Variants in ATL2 observed in about 807,000 individuals in gnomAD.
The protein encoded by ATL2 is atlastin GTPase 2.
Under a neutral mutation model 73.9 loss-of-function variants are expected in ATL2, and 31 were observed. That is an observed-to-expected ratio of 0.42 (90% confidence interval 0.32 to 0.57). The LOEUF (loss-of-function observed/expected upper bound fraction) is 0.57. Ranked by LOEUF, ATL2 falls within the 20% of genes least tolerant of loss-of-function variation. The pLI, the probability that ATL2 is intolerant of heterozygous loss-of-function variation, is 0.14. For missense variants in ATL2, 738 were observed against 702.6 expected (o/e 1.05, Z -0.57); for synonymous variants, 291 against 237.5 (o/e 1.23, Z -2.07).
At chr2:38,328,453 G>C (rs966063385) in intron 2 of ATL2, among the ~76,000 whole-genome samples, 5 of 152,092 alleles carry the variant, frequency 3.3e-5, no homozygotes, top group Admixed American at 6.5e-5. Flanking sequence ...AAAATTTTAA[G>C]GGATAGATAA....
chr2:38,361,059 A>C (rs1670985553), intron 1 of ATL2, among the ~76,000 whole-genome samples: 13 of 152,126 alleles, frequency 8.5e-5, no homozygotes, highest in Admixed American at 8.5e-4. Flanking sequence ...GAATGAAAAA[A>C]ATTAAATCAA....
intron 7 of ATL2, among the ~76,000 whole-genome samples, chr2:38,312,919 C>A (rs1163910457): frequency 6.6e-6 from 1 of 152,074 alleles, no homozygotes. Flanking sequence ...GGGGGGCTAC[C>A]TTTAGGAATA....
chr2:38,314,587 AT>A lies in ATL2; in HGVS notation c.711+20del. 2 of 1,566,338 alleles carry A rather than the reference AT, an allele frequency of 1.3e-6. No homozygotes were observed. The highest frequency in any genetic ancestry group is 1.8e-6 in the Non-Finnish European group (2 of 1,138,348). On this transcript the variant is annotated intron_variant, in intron 6 of 12. Transcript: ENST00000378954. ...AACTTCTCATAGGCTAATCTTTAAA[AT>A]GTTAGAATAACTTTTTTACCTGAAA... is the stretch of plus-strand genomic sequence containing the variant.
chr2:38,357,360 T>TA (rs1488877573), intron 1 of ATL2, among the ~76,000 whole-genome samples: 1 of 151,264 alleles, frequency 6.6e-6, no homozygotes, highest in Non-Finnish European at 1.5e-5. Flanking sequence ...AGTTTATAGT[T>TA]ACTATATATA....
At position 38,300,255 on chromosome 2, in the gene ATL2, A is replaced by ACT. The variant is rs145819319; in HGVS notation, c.1128+15_1128+16dup. The ACT allele has an allele frequency of 4.0e-3, 5,985 of 1,511,082 alleles. 35 individuals are homozygous for ACT. In the East Asian group the frequency reaches 0.1, roughly 25 times the overall value. The allele number at this position is 1,511,082 out of a possible 1,614,324, so 93.6% of individuals were successfully genotyped here. A position where few individuals can be genotyped will look rare whatever the true frequency, so the allele number is the denominator to read the frequency against. ...AATAAGTATATGTACAACACATATCACTCTCTCTCTCTCTACCTGAAGCAT... is the reference window on the plus strand; with the variant it reads ...AATAAGTATATGTACAACACATATCACTCTCTCTCTCTCTCTACCTGAAGCAT... On this transcript the variant is annotated intron_variant, in intron 10 of 12. Transcript: ENST00000378954.
intron 1 of ATL2, among the ~76,000 whole-genome samples, chr2:38,364,223 C>G (rs776717241): frequency 6.6e-6 from 1 of 152,106 alleles, no homozygotes; most frequent in Non-Finnish European, 1.5e-5. Flanking sequence ...GATTGTACCA[C>G]TGCACTCCAG....
chr2:38,325,660 GTACA>G (rs1558411737), intron 2 of ATL2, among the ~76,000 whole-genome samples: 4 of 5,218 alleles, frequency 7.7e-4, no homozygotes, highest in Non-Finnish European at 1.6e-3. Flanking sequence ...ACACACACCA[GTACA>G]CACACACACA....
intron 1 of ATL2, among the ~76,000 whole-genome samples, chr2:38,348,342 T>C (rs1670143926): frequency 6.6e-6 from 1 of 151,874 alleles, no homozygotes; most frequent in South Asian, 2.1e-4. Flanking sequence ...GTTGCTTGCC[T>C]GTAATCCCAG....
intron 1 of ATL2, among the ~76,000 whole-genome samples, chr2:38,369,904 C>A (rs1671567890): frequency 6.6e-6 from 1 of 151,184 alleles, no homozygotes; most frequent in South Asian, 2.1e-4. Context: ...GTAATCCCAG[C>A]ACTTTGGGAA....
chr2:38,363,183 T>A (rs930904577), intron 1 of ATL2, among the ~76,000 whole-genome samples: 2 of 152,196 alleles, frequency 1.3e-5, no homozygotes, highest in African/African-American at 4.8e-5. Context: ...AGTAATCAAC[T>A]GAGGATGCAC....
At chr2:38,355,344 C>G (rs766223137) in intron 1 of ATL2, among the ~76,000 whole-genome samples, 2 of 152,106 alleles carry the variant, frequency 1.3e-5, no homozygotes, top group Non-Finnish European at 2.9e-5. Flanking sequence ...TCAGGCTGGT[C>G]TTGAACTTCT....
chr2:38,309,159 T>C (rs925827266), intron 9 of ATL2, among the ~76,000 whole-genome samples: 2 of 152,142 alleles, frequency 1.3e-5, no homozygotes, highest in Non-Finnish European at 2.9e-5. Flanking sequence ...AGTAAGATAA[T>C]TCTGTAAATA....
At chr2:38,320,870 C>A (rs990486718) in intron 2 of ATL2, among the ~76,000 whole-genome samples, 54 of 152,036 alleles carry the variant, frequency 3.6e-4, no homozygotes, top group African/African-American at 1.3e-3. Context: ...GTCAGCCAGG[C>A]ACAGTGGCTC....
At chr2:38,305,221 A>G (rs1667385076) in intron 9 of ATL2, among the ~76,000 whole-genome samples, 1 of 152,212 alleles carries the variant, frequency 6.6e-6, no homozygotes, top group Admixed American at 6.5e-5. Context: ...ATATAAAGCA[A>G]GTATTATTAG....
chr2:38,331,035 G>A (rs565669118), intron 2 of ATL2, among the ~76,000 whole-genome samples: 62 of 152,320 alleles, frequency 4.1e-4, no homozygotes, highest in African/African-American at 1.5e-3. Context: ...GGGCGTGGTG[G>A]CTCACGCCTG....
chr2:38,297,067 A>C (rs1052069595), intron 12 of ATL2, among the ~76,000 whole-genome samples: 3 of 152,254 alleles, frequency 2.0e-5, no homozygotes, highest in African/African-American at 7.2e-5. Context: ...TAAAAATTTA[A>C]ATAGAATAAA....
At chr2:38,325,662 A>C (rs1296343993) in intron 2 of ATL2, among the ~76,000 whole-genome samples, 4 of 4,804 alleles carry the variant, frequency 8.3e-4, no homozygotes, top group African/African-American at 2.2e-3. Context: ...ACACACCAGT[A>C]CACACACACA....
chr2:38,298,074 A>G (rs1209546537), intron 12 of ATL2, 70 bp downstream of exon 12: 1 of 1,435,664 alleles, frequency 7.0e-7, no homozygotes, highest in African/African-American at 1.4e-5. Context: ...CGGAGTACAA[A>G]TACTGCAAAG....
intron 1 of ATL2, chr2:38,354,141 G>T (rs775103443): frequency 2.4e-6 from 1 of 418,722 alleles, no homozygotes; most frequent in South Asian, 1.6e-5. Context: ...AGCGAAGATC[G>T]TGCCACTGCA....
Sources: gnomAD v4.1 joint callset for allele counts (sites outside exome capture counted in the v4.1 genomes callset) on GRCh38, gnomAD v4.1.1 for gene constraint, MANE v1.5 for transcripts, NCBI Gene and HGNC (gene_info 2026-07-23, HGNC 2026-07-21) for gene names.